Variants in INTS7 observed in about 807,000 individuals in gnomAD.
INTS7 encodes the protein chromosome 1 open reading frame 73.
In INTS7, 46 loss-of-function variants were observed where a neutral mutation model predicts 109.2. The ratio of observed to expected loss-of-function variants is 0.42; its 90% CI spans 0.33 to 0.54. The LOEUF is 0.54. Ranked by LOEUF, INTS7 falls within the 20% of genes least tolerant of loss-of-function variation. The probability of loss-of-function intolerance (pLI) is 0.07; values close to 1 mark genes in which losing one functional copy is unlikely to be tolerated. For missense variants in INTS7, 929 were observed against 1,132.4 expected (o/e 0.82, Z 2.58); for synonymous variants, 412 against 402.9 (o/e 1.02, Z -0.27).
intron 10 of INTS7, 106 bp downstream of exon 10, chr1:211,980,987 G>C: frequency 1.8e-6 from 1 of 566,772 alleles, no homozygotes; most frequent in South Asian, 3.1e-5. Flanking sequence ...TAATCACTTA[G>C]ATTAAAACTT....
chr1:212,007,897 G>A (rs768973380), intron 5 of INTS7, among the ~76,000 whole-genome samples: 17 of 152,110 alleles, frequency 1.1e-4, no homozygotes, highest in Non-Finnish European at 2.2e-4. Context: ...GAATGGTTTC[G>A]AAGTCCTCTG....
At chr1:211,983,999 G>A (rs114018025) in intron 8 of INTS7, among the ~76,000 whole-genome samples, 1 of 151,906 alleles carries the variant, frequency 6.6e-6, no homozygotes, top group East Asian at 1.9e-4. Flanking sequence ...AAGTAGCTGA[G>A]AATACAGGTG....
At chr1:211,979,550 C>A (rs1347596982) in intron 10 of INTS7, among the ~76,000 whole-genome samples, 2 of 152,154 alleles carry the variant, frequency 1.3e-5, no homozygotes, top group South Asian at 4.1e-4. Context: ...ATAATAATTA[C>A]GACAAAGGTT....
At chr1:211,947,004 ATATTATT>A (rs1662875473) in intron 17 of INTS7, among the ~76,000 whole-genome samples, 1 of 152,266 alleles carries the variant, frequency 6.6e-6, no homozygotes. Flanking sequence ...AACTATCAGT[ATATTATT>A]AAACAATTAT....
intron 16 of INTS7, 85 bp from the exon 17 acceptor site, chr1:211,952,786 T>C: frequency 8.6e-7 from 1 of 1,169,542 alleles, no homozygotes; most frequent in Non-Finnish European, 1.2e-6. Flanking sequence ...TCAACATATT[T>C]TCATTTAATT....
intron 8 of INTS7, among the ~76,000 whole-genome samples, chr1:211,984,923 G>A (rs992028350): frequency 1.3e-5 from 2 of 152,008 alleles, no homozygotes; most frequent in African/African-American, 2.4e-5. Context: ...ATTTCTTTGA[G>A]TCCTCTATTG....
At chr1:212,011,219 A>G (rs1374390747) in intron 5 of INTS7, among the ~76,000 whole-genome samples, 156 bp downstream of exon 5, 1 of 152,164 alleles carries the variant, frequency 6.6e-6, no homozygotes, top group African/African-American at 2.4e-5. Context: ...TCATTCCTGT[A>G]TCCTCAGCAT....
intron 1 of INTS7, among the ~76,000 whole-genome samples, chr1:212,021,680 T>TAA (rs1169512759): frequency 2.2e-4 from 28 of 127,042 alleles, no homozygotes; most frequent in Middle Eastern, 3.9e-3. Context: ...CCTCATCTCT[T>TAA]AAAAAAAAAA....
At chr1:211,953,735 A>AT (rs960900643) in intron 16 of INTS7, among the ~76,000 whole-genome samples, 3 of 150,880 alleles carry the variant, frequency 2.0e-5, no homozygotes, top group Non-Finnish European at 4.4e-5. Flanking sequence ...TGAACTCATC[A>AT]TTTTTTATGG....
chr1:211,972,418 G>A (rs555780919), intron 13 of INTS7, among the ~76,000 whole-genome samples: 1 of 152,284 alleles, frequency 6.6e-6, no homozygotes, highest in East Asian at 1.9e-4. Context: ...ATCTGAAACT[G>A]ACATGATGTT....
At chr1:211,952,842 G>T in intron 16 of INTS7, 141 bp from the exon 17 acceptor site, 1 of 823,804 alleles carries the variant, frequency 1.2e-6, no homozygotes, top group Non-Finnish European at 1.9e-6. Context: ...GAAAATTGAG[G>T]CTAGGAGAGG....
At position 211,987,951 on chromosome 1, in the gene INTS7, ATCCCT is replaced by A; in HGVS notation, c.927_931del (p.Gly310ValfsTer32). 1 of 1,613,112 alleles carries A rather than the reference ATCCCT, an allele frequency of 6.2e-7. No individual in the cohort carries two copies. Among genetic ancestry groups the A allele is most frequent in the East Asian group, 2.2e-5 (1 of 44,856 alleles). On this transcript the variant is annotated frameshift_variant, in exon 8 of 20. Transcript: ENST00000366994. LOFTEE classifies it high-confidence loss of function. ...TGATAGTGTGGAAAGGACAGACAAC[ATCCCT>A]AGTTTTAAGCTGTCATAAGGAGTCT...
In INTS7 at chr1:212,035,354, T is replaced by G. The variant is rs761095202; in HGVS notation, c.84A>C (p.Glu28Asp). The G allele has an allele frequency of 3.7e-6, 6 of 1,609,722 alleles. No homozygotes were observed. The South Asian group carries it at 6.6e-5, about 18-fold the overall frequency. Residue 28 changes from glutamate (E) to aspartate (D), a missense_variant, in exon 1 of 20, where the codon GAA (glutamate) becomes GAC (aspartate). Transcript: ENST00000366994. ...QELDANSALM[E>D]LDKGLRSGKL... ...CTCTCTTTCGAATACCTTTGTCCAA[T>G]TCCATAAGGGCAGAGTTGGCATCCA...
intron 1 of INTS7, among the ~76,000 whole-genome samples, chr1:212,032,185 T>C (rs1667194460): frequency 6.6e-6 from 1 of 151,396 alleles, no homozygotes; most frequent in South Asian, 2.1e-4. Flanking sequence ...TTTGAAAGTA[T>C]ATCCAGAATC....
Position 212,035,494 on chromosome 1 carries a change from A to C in INTS7, c.-57T>G, listed in dbSNP as rs1667401173. 6 of 1,262,896 alleles carry C rather than the reference A, an allele frequency of 4.8e-6. No homozygotes were observed. In the South Asian group the frequency reaches 6.0e-5, roughly 13 times the overall value. 78.2% of individuals were successfully genotyped at this position (1,262,896 alleles called of 1,614,324 possible). A position where few individuals can be genotyped will look rare whatever the true frequency, so the allele number is the denominator to read the frequency against. Reference sequence around the variant, plus strand: ...GAAAGCTTGCAAACTCTACCCCAGGACCGCCATCTTCCCCCGCCGCCTTCT... The same window carrying C: ...GAAAGCTTGCAAACTCTACCCCAGGCCCGCCATCTTCCCCCGCCGCCTTCT... On this transcript the variant is annotated 5_prime_UTR_variant, in exon 1 of 20. Coordinates refer to ENST00000366994, the MANE Select transcript of INTS7 (RefSeq NM_015434.4).
chr1:211,976,755 T>A (rs1664438474), intron 11 of INTS7, 36 bp from the exon 12 acceptor site: 1 of 1,609,904 alleles, frequency 6.2e-7, no homozygotes, highest in South Asian at 1.1e-5. Flanking sequence ...AGAAAATCAT[T>A]TAATTTTATT....
At chr1:211,947,435 A>T (rs545243055) in intron 17 of INTS7, among the ~76,000 whole-genome samples, 2 of 152,200 alleles carry the variant, frequency 1.3e-5, no homozygotes, top group Non-Finnish European at 2.9e-5. Context: ...TGAAAGTATC[A>T]TAAGAACACT....
At chr1:212,021,279 A>T (rs532362664) in intron 1 of INTS7, 67 bp from the exon 2 acceptor site, 1 of 1,368,818 alleles carries the variant, frequency 7.3e-7, no homozygotes, top group South Asian at 1.3e-5. Flanking sequence ...AAGCAAAAAT[A>T]GCAAATATAA....
chr1:211,987,772 G>T lies in INTS7; in HGVS notation c.997+114C>A, dbSNP rs1250045198. 7.4e-6 allele frequency: 4 copies of T among 541,084 alleles called. No homozygotes were observed. In the Admixed American group the frequency reaches 1.3e-4, roughly 17 times the overall value. The allele number at this position is 541,084 out of a possible 1,614,324, so 33.5% of individuals were successfully genotyped here. A position where few individuals can be genotyped will look rare whatever the true frequency, so the allele number is the denominator to read the frequency against. On this transcript the variant is annotated intron_variant, in intron 8 of 19. Coordinates refer to ENST00000366994, the MANE Select transcript of INTS7 (RefSeq NM_015434.4). ...AAATAAATCACTAGCATGCAATGGA[G>T]TATGAGATTTTTTTCCCTGATGTTA...
Sources: gnomAD v4.1 joint callset for allele counts (sites outside exome capture counted in the v4.1 genomes callset) on GRCh38, gnomAD v4.1.1 for gene constraint, MANE v1.5 for transcripts, NCBI Gene and HGNC (gene_info 2026-07-23, HGNC 2026-07-21) for gene names.